VWF: variants seen among roughly 807,000 people sequenced by gnomAD.
VWF encodes Factor VIII related antigen.
Under a neutral mutation model 308.6 loss-of-function variants are expected in VWF, and 176 were observed. That is an observed-to-expected ratio of 0.57 (90% CI 0.50 to 0.65). VWF has a LOEUF of 0.65. VWF is among the 30% of genes least tolerant of loss of function. The probability of loss-of-function intolerance (pLI) is 0.00; values close to 1 mark genes in which losing one functional copy is unlikely to be tolerated. For missense variants in VWF, 3,146 were observed against 3,648.2 expected (o/e 0.86, Z 3.55); for synonymous variants, 1,385 against 1,443.4 (o/e 0.96, Z 0.92).
In VWF at chr12:6,092,614, T is replaced by A. The variant is rs11614772; in HGVS notation, c.657+2846A>T. ...CATGCCCAGCTAGTTAGTGAGTGAGTGAGAGTGTGTGTGTGTGTGTGTGTG... is the reference window on the plus strand; with the variant it reads ...CATGCCCAGCTAGTTAGTGAGTGAGAGAGAGTGTGTGTGTGTGTGTGTGTG... On this transcript the variant is annotated intron_variant, in intron 6 of 51. Coordinates refer to ENST00000261405, the MANE Select transcript of VWF (RefSeq NM_000552.5). Among the ~76,000 whole-genome samples, 92 of 86,082 alleles carry A rather than the reference T, an allele frequency of 1.1e-3. 2 individuals carry two copies. The highest frequency in any genetic ancestry group is 3.5e-3 in the African/African-American group (60 of 17,260). The allele number at this position is 86,082 out of a possible 152,430, so 56.5% of individuals were successfully genotyped here. A position where few individuals can be genotyped will look rare whatever the true frequency, so the allele number is the denominator to read the frequency against.
intron 37 of VWF, 39 bp from the exon 38 acceptor site, chr12:5,992,057 C>T (rs1196389124): frequency 6.3e-7 from 1 of 1,591,758 alleles, no homozygotes; most frequent in Admixed American, 1.7e-5. Context: ...AAGGCCCACA[C>T]CAGCCAGAGT....
intron 46 of VWF, 46 bp downstream of exon 46, chr12:5,968,081 T>A: frequency 6.2e-7 from 1 of 1,612,784 alleles, no homozygotes; most frequent in Non-Finnish European, 8.5e-7. Flanking sequence ...CAGTACCCCC[T>A]TCCCTGTCCC....
intron 11 of VWF, 92 bp from the exon 12 acceptor site, chr12:6,064,476 C>A: frequency 6.4e-7 from 1 of 1,558,210 alleles, no homozygotes; most frequent in Non-Finnish European, 8.7e-7. Context: ...AAGGCCTCAA[C>A]CCGAGAGCCT....
chr12:6,071,257 T>C (rs1944777398), intron 10 of VWF, 40 bp downstream of exon 10: 1 of 1,608,990 alleles, frequency 6.2e-7, no homozygotes, highest in African/African-American at 1.3e-5. Context: ...GCCTCCCCGA[T>C]TCAGGGAAGG....
intron 47 of VWF, among the ~76,000 whole-genome samples, chr12:5,959,256 A>G (rs1943283980): frequency 6.6e-6 from 1 of 152,212 alleles, no homozygotes; most frequent in Non-Finnish European, 1.5e-5. Flanking sequence ...TAATGACAAA[A>G]GAATAGATTC....
In VWF at chr12:6,057,053, C is replaced by T. The variant is rs770030713; in HGVS notation, c.1749G>A (p.Ala583=). 6.5e-7 allele frequency: 1 copy of T among 1,543,284 alleles called. No homozygotes were observed. The highest frequency in any genetic ancestry group is 8.7e-7 in the Non-Finnish European group (1 of 1,150,560). Residue 583 remains alanine, a synonymous_variant, in exon 15 of 52, where the codon GCG becomes GCA. Coordinates refer to ENST00000261405, the MANE Select transcript of VWF (RefSeq NM_000552.5). ...NPRMTRFSEE[A]CAVLTSPTFE... is the part of the protein sequence containing the mutation. ...ATGTGGGGGACGTCAGGACCGCGCA[C>T]GCCTCCTCGGAGAACCTGGCTGTGG...
intron 27 of VWF, chr12:6,021,686 G>C (rs1944130531): frequency 3.4e-6 from 2 of 593,208 alleles, no homozygotes; most frequent in Non-Finnish European, 5.8e-6. Flanking sequence ...GGAGGAAGCA[G>C]TCTAGTCCAT....
chr12:6,115,069 C>T (rs192802640), intron 3 of VWF, among the ~76,000 whole-genome samples: 2 of 152,274 alleles, frequency 1.3e-5, no homozygotes, highest in Non-Finnish European at 2.9e-5. Flanking sequence ...TGAGGTCTTG[C>T]TCTATCGCTC....
chr12:6,066,173 C>G (rs1483460355), intron 10 of VWF, among the ~76,000 whole-genome samples: 2 of 152,132 alleles, frequency 1.3e-5, no homozygotes, highest in Admixed American at 1.3e-4. Context: ...ACTTGTGGCC[C>G]AATGCACCTC....
chr12:5,978,964 C>G (rs1348791221), intron 42 of VWF, among the ~76,000 whole-genome samples: 1 of 152,164 alleles, frequency 6.6e-6, no homozygotes, highest in African/African-American at 2.4e-5. Context: ...TGAGGCCATG[C>G]CAACAGGCTC....
At chr12:6,077,770 G>A (rs1944863064) in intron 6 of VWF, among the ~76,000 whole-genome samples, 1 of 152,128 alleles carries the variant, frequency 6.6e-6, no homozygotes, top group Non-Finnish European at 1.5e-5. Context: ...TGGTCACCCT[G>A]AGCATTTTAC....
rs1415600645 is a variant in VWF, at chr12:6,046,603, G to C, written c.2281+120C>G. 9.8e-7 allele frequency: 1 copy of C among 1,021,812 alleles called. No homozygotes were observed. Among genetic ancestry groups the C allele is most frequent in the Non-Finnish European group, 1.5e-6 (1 of 655,244 alleles). 63.3% of individuals were successfully genotyped at this position (1,021,812 alleles called of 1,614,324 possible). A position where few individuals can be genotyped will look rare whatever the true frequency, so the allele number is the denominator to read the frequency against. On this transcript the variant is annotated intron_variant, in intron 17 of 51. Coordinates refer to ENST00000261405, the MANE Select transcript of VWF (RefSeq NM_000552.5). This position sits in a 1 kb window ranked among gnomAD's most constrained non-coding sequence, Gnocchi z 5.0. ...ATGAAGGCGATCCTGGGCGAAGCCA[G>C]ACCCATGCCTGGGTGCACACGCACA... is the stretch of plus-strand genomic sequence containing the variant.
rs566399205 is a variant in VWF, at chr12:5,971,585, G to A, written c.7548+14C>T. 3.7e-6 allele frequency: 6 copies of A among 1,608,544 alleles called. No individual in the cohort carries two copies. The highest frequency in any genetic ancestry group is 4.5e-5 in the East Asian group (2 of 44,838). On this transcript the variant is annotated intron_variant, in intron 44 of 51. Transcript: ENST00000261405. Reference sequence around the variant, plus strand: ...CAATCTGCCCTCCTCCCCGTCCCGGGGGCCTGGACCTACACTCTTCCAGGA... The same window carrying A: ...CAATCTGCCCTCCTCCCCGTCCCGGAGGCCTGGACCTACACTCTTCCAGGA...
intron 34 of VWF, among the ~76,000 whole-genome samples, chr12:6,003,981 A>G (rs1343266889): frequency 6.6e-6 from 1 of 151,910 alleles, no homozygotes; most frequent in Non-Finnish European, 1.5e-5. Flanking sequence ...ACGCCCGGCT[A>G]ATTTTTTGTA....
Position 6,095,524 on chromosome 12 carries a change from T to C in VWF, c.593A>G (p.Gln198Arg). 6.2e-7 allele frequency: 1 copy of C among 1,614,100 alleles called. No individual in the cohort carries two copies. The highest frequency in any genetic ancestry group is 1.1e-5 in the South Asian group (1 of 91,074). ...GGGAGGAGATGCCCGTTCACACCAC[T>C]GTTCTCCACTGCTCAGAGCCCATGA... Reference protein sequence around the residue: ...ANSWALSSGEQWCERASPPSS... With the variant: ...ANSWALSSGERWCERASPPSS... Residue 198 changes from glutamine (Q) to arginine (R), a missense_variant, in exon 6 of 52, where the codon CAG (glutamine) becomes CGG (arginine). Coordinates refer to ENST00000261405, the MANE Select transcript of VWF (RefSeq NM_000552.5).
intron 47 of VWF, among the ~76,000 whole-genome samples, chr12:5,957,753 T>C (rs2136343996): frequency 6.6e-6 from 1 of 152,332 alleles, no homozygotes; most frequent in African/African-American, 2.4e-5. Context: ...AGAAGTTCTT[T>C]AGGCTGAAGG....
chr12:5,951,991 G>A lies in VWF; in HGVS notation c.8116-108C>T, dbSNP rs993694796. Reference sequence around the variant, plus strand: ...TCCGAACTCACAGCCCTGTGCTTAAGTGCCCAGATGTAAACTATGCTTTCC... The same window carrying A: ...TCCGAACTCACAGCCCTGTGCTTAAATGCCCAGATGTAAACTATGCTTTCC... On this transcript the variant is annotated intron_variant, in intron 49 of 51. Transcript: ENST00000261405. 9.4e-6 allele frequency: 10 copies of A among 1,066,262 alleles called. No individual in the cohort carries two copies. In the African/African-American group the frequency reaches 1.3e-4, roughly 13 times the overall value. The allele number at this position is 1,066,262 out of a possible 1,614,324, so 66.1% of individuals were successfully genotyped here.
rs1324782158 is a variant in VWF at position 5,994,009 on chromosome 12, G to A, written c.6451C>T (p.His2151Tyr). ...AATGTGGCTGGAGCCAGGACCTTGT[G>A]GCATTCAGCAAACAGTGGTAAGAGG... The part of the protein sequence containing the change: ...VLLLPLFAEC[H>Y]KVLAPATFYA... The change falls in exon 37 of 52, where the codon CAC becomes TAC. Residue 2151 changes from histidine (H) to tyrosine (Y), a missense_variant. His to Tyr is a moderately conservative substitution (Grantham distance 83). Around this residue, in one of 3 missense-constraint regions of VWF, gnomAD observed 989 missense variants for 1,117.4 expected, o/e 0.89. Transcript: ENST00000261405. 1.2e-6 allele frequency: 2 copies of A among 1,614,046 alleles called. No individual in the cohort carries two copies. The highest frequency in any genetic ancestry group is 8.5e-7 in the Non-Finnish European group (1 of 1,180,040).
intron 7 of VWF, among the ~76,000 whole-genome samples, chr12:6,074,892 G>C (rs148771899): frequency 3.2e-4 from 49 of 152,330 alleles, no homozygotes; most frequent in African/African-American, 1.2e-3. Context: ...TTTAATAAAA[G>C]AGAAGAACTT....
Sources: allele counts gnomAD v4.1 joint callset (sites outside exome capture counted in the v4.1 genomes callset), GRCh38; gene constraint gnomAD v4.1.1; regional missense constraint gnomAD v4.1.1; non-coding constraint Gnocchi (gnomAD v3.1); transcripts MANE v1.5; gene names NCBI Gene and HGNC (gene_info 2026-07-23, HGNC 2026-07-21).